Variants in NAA25 observed in about 807,000 individuals in gnomAD.
NAA25 encodes N-alpha-acetyltransferase 25, NatB auxiliary subunit, also known as N-terminal acetyltransferase B complex subunit NAA25.
In NAA25, 30 loss-of-function variants were observed where a neutral mutation model predicts 132.5. That is an observed-to-expected ratio of 0.23 (90% CI 0.17 to 0.31). The LOEUF is 0.31. NAA25 is among the 10% of genes least tolerant of loss of function. NAA25 has a pLI of 1.00. For missense variants in NAA25, 771 were observed against 1,150.4 expected, an observed-to-expected ratio of 0.67 and a Z score of 4.77; for synonymous variants, 359 against 401.9, an observed-to-expected ratio of 0.89 and a Z score of 1.28.
chr12:112,029,395 T>A lies in NAA25; in HGVS notation c.*136A>T, dbSNP rs2078120851. On this transcript the variant is annotated 3_prime_UTR_variant, in exon 24 of 24. Coordinates refer to ENST00000261745, the MANE Select transcript of NAA25 (RefSeq NM_024953.4). Reference sequence around the variant, plus strand: ...TGTATATATTTAACACCTAAAAAAATTCACGATCAAAGTCCTTCATGCATT... The same window carrying A: ...TGTATATATTTAACACCTAAAAAAAATCACGATCAAAGTCCTTCATGCATT... The A allele has an allele frequency of 7.2e-7, 1 of 1,398,350 alleles. No homozygotes were observed. The highest frequency in any genetic ancestry group is 9.7e-7 in the Non-Finnish European group (1 of 1,032,220). The allele number at this position is 1,398,350 out of a possible 1,614,324, so 86.6% of individuals were successfully genotyped here. A position where few individuals can be genotyped will look rare whatever the true frequency, so the allele number is the denominator to read the frequency against.
At chr12:112,079,309 C>T (rs2078937388) in intron 5 of NAA25, among the ~76,000 whole-genome samples, 1 of 152,162 alleles carries the variant, frequency 6.6e-6, no homozygotes. Context: ...TTAGGCCAGG[C>T]GTGGTGGCTC....
intron 19 of NAA25, 196 bp from the exon 20 acceptor site, chr12:112,042,300 A>C (rs968169907): frequency 3.2e-6 from 1 of 307,984 alleles, no homozygotes; most frequent in Non-Finnish European, 5.8e-6. Context: ...GAAAGGCACT[A>C]ATTACCTTTT....
chr12:112,044,694 C>CA (rs1374377846), intron 17 of NAA25, among the ~76,000 whole-genome samples: 3 of 149,442 alleles, frequency 2.0e-5, no homozygotes, highest in East Asian at 2.0e-4. Flanking sequence ...CAAAACAAAA[C>CA]AAAAAAAACA....
At chr12:112,063,107 G>A (rs557678627) in intron 11 of NAA25, among the ~76,000 whole-genome samples, 2 of 151,326 alleles carry the variant, frequency 1.3e-5, no homozygotes, top group African/African-American at 2.4e-5. Flanking sequence ...AGAGATGACA[G>A]CAAATAAAAA....
At chr12:112,088,915 C>G (rs554020052) in intron 3 of NAA25, among the ~76,000 whole-genome samples, 9 of 152,094 alleles carry the variant, frequency 5.9e-5, no homozygotes, top group Non-Finnish European at 1.3e-4. Flanking sequence ...CCACTGCGCC[C>G]GGCTGAAAGT....
chr12:112,072,133 C>A (rs1299936749), intron 9 of NAA25, 69 bp from the exon 10 acceptor site: 2,395 of 840,848 alleles, frequency 2.8e-3, no homozygotes, highest in Middle Eastern at 5.1e-3. Context: ...AAAGTCAAGC[C>A]AAACTCATTT....
chr12:112,079,584 A>AG (rs1307823358), intron 5 of NAA25, among the ~76,000 whole-genome samples: 1 of 151,726 alleles, frequency 6.6e-6, no homozygotes, highest in Non-Finnish European at 1.5e-5. Flanking sequence ...AAAAAAAAAA[A>AG]CTAAGGTTAA....
At chr12:112,030,661 T>C (rs1436588729) in intron 23 of NAA25, among the ~76,000 whole-genome samples, 2 of 152,304 alleles carry the variant, frequency 1.3e-5, no homozygotes, top group Non-Finnish European at 2.9e-5. Flanking sequence ...TTACATGAAG[T>C]TGAGTGCTGC....
intron 11 of NAA25, chr12:112,065,867 C>A (rs1300255562): frequency 6.6e-6 from 1 of 152,150 alleles, no homozygotes. Flanking sequence ...TTGACTTGGA[C>A]AGTTCGTAAT....
At chr12:112,040,608 C>A in intron 20 of NAA25, 30 bp from the exon 21 acceptor site, 1 of 1,264,922 alleles carries the variant, frequency 7.9e-7, no homozygotes, top group South Asian at 1.3e-5. Context: ...TAGTTTTATT[C>A]AGCTTTTGTT....
intron 4 of NAA25, among the ~76,000 whole-genome samples, 174 bp downstream of exon 4, chr12:112,087,509 G>T (rs1471598012): frequency 6.6e-6 from 1 of 152,324 alleles, no homozygotes; most frequent in East Asian, 1.9e-4. Context: ...TAAAGATCTT[G>T]AATAATAGTT....
intron 2 of NAA25, 130 bp from the exon 3 acceptor site, chr12:112,090,994 G>C: frequency 1.2e-6 from 1 of 842,898 alleles, no homozygotes; most frequent in South Asian, 1.8e-5. Context: ...CAGGCTGGGT[G>C]CGGCGGCTCA....
rs574212854 is a variant in NAA25, at chr12:112,027,273, G to A, written c.*2258C>T. 1 of 152,108 alleles carries A rather than the reference G, an allele frequency of 6.6e-6. No individual in the cohort carries two copies. Among genetic ancestry groups the A allele is most frequent in the Non-Finnish European group, 1.5e-5 (1 of 67,970 alleles). The allele number at this position is 152,108 out of a possible 1,614,324, so 9.4% of individuals were successfully genotyped here. Reference sequence around the variant, plus strand: ...TTCTCTTCAAATACCAATGGCATACGATTGCTGGGAGAGGGTGCTTTTTAC... The same window carrying A: ...TTCTCTTCAAATACCAATGGCATACAATTGCTGGGAGAGGGTGCTTTTTAC... On this transcript the variant is annotated 3_prime_UTR_variant, in exon 24 of 24. Coordinates refer to ENST00000261745, the MANE Select transcript of NAA25 (RefSeq NM_024953.4).
chr12:112,053,902 T>G (rs1047675032), intron 14 of NAA25, among the ~76,000 whole-genome samples: 2 of 148,404 alleles, frequency 1.3e-5, no homozygotes, highest in Non-Finnish European at 3.0e-5. Context: ...TTTCTTACAC[T>G]CTGATGATTA....
At chr12:112,058,017 C>T (rs1054814031) in intron 13 of NAA25, among the ~76,000 whole-genome samples, 1 of 152,022 alleles carries the variant, frequency 6.6e-6, no homozygotes, top group Non-Finnish European at 1.5e-5. Context: ...CATAGTGGCA[C>T]GTGCCTGTAA....
intron 8 of NAA25, among the ~76,000 whole-genome samples, chr12:112,075,146 T>C (rs998542714): frequency 6.6e-6 from 1 of 151,894 alleles, no homozygotes; most frequent in African/African-American, 2.4e-5. Flanking sequence ...TCAGTGTTCA[T>C]TCTTAAGCCC....
intron 21 of NAA25, 67 bp from the exon 22 acceptor site, chr12:112,039,406 G>T: frequency 3.2e-6 from 3 of 925,178 alleles, no homozygotes; most frequent in Non-Finnish European, 5.1e-6. Context: ...GAAATTAGAG[G>T]CAATGGATTC....
intron 1 of NAA25, among the ~76,000 whole-genome samples, chr12:112,106,554 G>A (rs556554439): frequency 3.9e-5 from 6 of 152,160 alleles, no homozygotes; most frequent in East Asian, 1.9e-4. Context: ...ATGCAGCCCC[G>A]GGGAAATAGG....
At chr12:112,073,848 C>A (rs1300112119) in intron 9 of NAA25, among the ~76,000 whole-genome samples, 1 of 151,770 alleles carries the variant, frequency 6.6e-6, no homozygotes, top group Non-Finnish European at 1.5e-5. Flanking sequence ...CTTCAAAAAT[C>A]CAAGTATCAT....
Sources: allele counts gnomAD v4.1 joint callset (sites outside exome capture counted in the v4.1 genomes callset), GRCh38; gene constraint gnomAD v4.1.1; transcripts MANE v1.5; gene names NCBI Gene and HGNC (gene_info 2026-07-23, HGNC 2026-07-21).